Variants in STX7 observed in about 807,000 individuals in gnomAD.
The protein encoded by STX7 is syntaxin-7.
STX7 carries 34 observed loss-of-function variants against 39.6 expected under a neutral mutation model. That is an observed-to-expected ratio of 0.86 (90% CI 0.65 to 1.14). The LOEUF (loss-of-function observed/expected upper bound fraction) is 1.14, where lower values mean the gene tolerates loss of function less well. STX7 is among the 50% of genes most tolerant of loss of function. STX7 has a pLI of 0.00. For synonymous variants in STX7, 119 were observed against 99.1 expected, an observed-to-expected ratio of 1.20 and a Z score of -1.19; for missense variants, 284 against 310.4, an observed-to-expected ratio of 0.92 and a Z score of 0.64.
chr6:132,470,283 C>T lies in STX7; in HGVS notation c.441-236G>A, dbSNP rs567351880. Among the ~76,000 whole-genome samples the T allele has an allele frequency of 2.4e-4, 36 of 152,162 alleles. No homozygotes were observed. The South Asian group carries it at 5.6e-3, about 24-fold the overall frequency. On this transcript the variant is annotated intron_variant, in intron 6 of 9. Coordinates refer to ENST00000367941, the MANE Select transcript of STX7 (RefSeq NM_003569.3). The stretch of plus-strand genomic sequence containing the variant: ...AGAGTTATTACTTAATTATTGGAAG[C>T]TGTATCTGTCAACTGGGTATTTCTT...
Position 132,447,633 on chromosome 6 carries a change from T to G in STX7, c.*13125A>C, listed in dbSNP as rs1326046162. Reference sequence around the variant, plus strand: ...ACTGTTATACCTACTTCAGTTGAAATTTTTATTATTTTTGAGAGTCTCCTT... The same window carrying G: ...ACTGTTATACCTACTTCAGTTGAAAGTTTTATTATTTTTGAGAGTCTCCTT... On this transcript the variant is annotated 3_prime_UTR_variant, in exon 10 of 10. Transcript: ENST00000367941. The G allele has an allele frequency of 6.6e-6, 1 of 152,102 alleles. No homozygotes were observed. Among genetic ancestry groups the G allele is most frequent in the Non-Finnish European group, 1.5e-5 (1 of 67,998 alleles). 9.4% of individuals were successfully genotyped at this position (152,102 alleles called of 1,614,324 possible).
chr6:132,487,548 A>C (rs1222055515), intron 2 of STX7, among the ~76,000 whole-genome samples: 1 of 152,124 alleles, frequency 6.6e-6, no homozygotes, highest in East Asian at 1.9e-4. Context: ...AACCTAGATG[A>C]TGGGTTAGTA....
chr6:132,462,614 T>C (rs1374441851), intron 9 of STX7, among the ~76,000 whole-genome samples: 1 of 149,450 alleles, frequency 6.7e-6, no homozygotes, highest in Non-Finnish European at 1.5e-5. Flanking sequence ...TGTGTGTGTG[T>C]GTGTGTGTTT....
chr6:132,463,655 A>T (rs1774478223), intron 9 of STX7, among the ~76,000 whole-genome samples: 1 of 152,140 alleles, frequency 6.6e-6, no homozygotes, highest in Non-Finnish European at 1.5e-5. Context: ...AAGAAATGGG[A>T]AGGAGGGGCC....
chr6:132,478,843 T>C (rs779725612), intron 2 of STX7, among the ~76,000 whole-genome samples: 6 of 152,222 alleles, frequency 3.9e-5, no homozygotes, highest in Non-Finnish European at 5.9e-5. Flanking sequence ...ATCAATGGGA[T>C]GGGACATCAG....
chr6:132,469,929 A>C, intron 7 of STX7, 22 bp downstream of exon 7: 2 of 1,563,302 alleles, frequency 1.3e-6, no homozygotes, highest in Non-Finnish European at 1.7e-6. Flanking sequence ...GCAGCAGCCC[A>C]AGTCTACAAT....
rs1176320064 is a variant in STX7 at position 132,455,336 on chromosome 6, A to G, written c.*5422T>C. The G allele has an allele frequency of 2.6e-5, 4 of 152,222 alleles. No individual in the cohort carries two copies. Among genetic ancestry groups the G allele is most frequent in the African/African-American group, 7.2e-5 (3 of 41,446 alleles). 9.4% of individuals were successfully genotyped at this position (152,222 alleles called of 1,614,324 possible). On this transcript the variant is annotated 3_prime_UTR_variant, in exon 10 of 10. Transcript: ENST00000367941. ...AGAAAAATCTTAGTCGAGGCTAAAT[A>G]ACTGCATTTATAAGCTTTCTACCAA...
At chr6:132,509,498 ATAACATAACATAAC>A (rs1775793030) in intron 1 of STX7, among the ~76,000 whole-genome samples, 3 of 127,108 alleles carry the variant, frequency 2.4e-5, no homozygotes, top group African/African-American at 9.5e-5. Context: ...ATAACATAAC[ATAACATAACATAAC>A]ATAAAATAAA....
intron 8 of STX7, among the ~76,000 whole-genome samples, chr6:132,467,101 G>A (rs373394467): frequency 2.8e-4 from 43 of 152,202 alleles, no homozygotes; most frequent in Admixed American, 8.5e-4. Context: ...TGAGTCTTTC[G>A]AAACTGAAGC....
chr6:132,512,283 G>A (rs1775865959), intron 1 of STX7, among the ~76,000 whole-genome samples: 1 of 152,004 alleles, frequency 6.6e-6, no homozygotes, highest in Non-Finnish European at 1.5e-5. Context: ...CCAAACAAAT[G>A]TAAGAAATTT....
chr6:132,447,754 C>T lies in STX7; in HGVS notation c.*13004G>A, dbSNP rs551789218. ...TTTGCTTGTTTTATTTTCCCTAATT[C>T]TACTTTTTGTCTTTCTCTGTCCTTG... On this transcript the variant is annotated 3_prime_UTR_variant, in exon 10 of 10. Transcript: ENST00000367941. The T allele has an allele frequency of 3.3e-5, 5 of 152,062 alleles. No homozygotes were observed. Among genetic ancestry groups the T allele is most frequent in the South Asian group, 4.2e-4 (2 of 4,804 alleles). The allele number at this position is 152,062 out of a possible 1,614,324, so 9.4% of individuals were successfully genotyped here.
At chr6:132,503,391 CAAGTTCAGTT>C (rs1239462695) in intron 2 of STX7, 45 bp downstream of exon 2, 6 of 1,466,932 alleles carry the variant, frequency 4.1e-6, no homozygotes, top group Middle Eastern at 1.7e-4. Flanking sequence ...GAACCTCCAC[CAAGTTCAGTT>C]AAGAGTGGAT....
At chr6:132,503,383 A>G in intron 2 of STX7, 63 bp downstream of exon 2, 2 of 1,406,016 alleles carry the variant, frequency 1.4e-6, no homozygotes, top group Non-Finnish European at 2.0e-6. Context: ...CCTTTTATGA[A>G]CCTCCACCAA....
intron 1 of STX7, among the ~76,000 whole-genome samples, chr6:132,511,351 T>C (rs1261813159): frequency 6.6e-6 from 1 of 152,234 alleles, no homozygotes; most frequent in Non-Finnish European, 1.5e-5. Context: ...GACTGGCTCC[T>C]TCTCCCCAGC....
intron 9 of STX7, among the ~76,000 whole-genome samples, chr6:132,461,507 T>C (rs1774397981): frequency 6.6e-6 from 1 of 152,062 alleles, no homozygotes; most frequent in Non-Finnish European, 1.5e-5. Flanking sequence ...AGACGGAGTT[T>C]CACCATGTTG....
rs548011711 is a variant in STX7 at position 132,451,882 on chromosome 6, C to T, written c.*8876G>A. 3.3e-5 allele frequency: 5 copies of T among 152,244 alleles called. No homozygotes were observed. The highest frequency in any genetic ancestry group is 3.3e-4 in the Admixed American group (5 of 15,296). 9.4% of individuals were successfully genotyped at this position (152,244 alleles called of 1,614,324 possible). A position where few individuals can be genotyped will look rare whatever the true frequency, so the allele number is the denominator to read the frequency against. On this transcript the variant is annotated 3_prime_UTR_variant, in exon 10 of 10. Coordinates refer to ENST00000367941, the MANE Select transcript of STX7 (RefSeq NM_003569.3). ...GCGCTGACACCAATTCTATACAATCCGCTTTAGAAAACAGAAGAGAAAGGA... is the reference window on the plus strand; with the variant it reads ...GCGCTGACACCAATTCTATACAATCTGCTTTAGAAAACAGAAGAGAAAGGA...
chr6:132,495,586 G>A (rs544084494), intron 2 of STX7, among the ~76,000 whole-genome samples: 1 of 152,004 alleles, frequency 6.6e-6, no homozygotes, highest in African/African-American at 2.4e-5. Context: ...TATGGTTCCA[G>A]TAAATTCATT....
chr6:132,499,641 C>T (rs1157956700), intron 2 of STX7, among the ~76,000 whole-genome samples: 2 of 152,144 alleles, frequency 1.3e-5, no homozygotes, highest in African/African-American at 4.8e-5. Flanking sequence ...TTTTATCTTA[C>T]CTCACAGGTC....
chr6:132,510,323 TCTA>T (rs1486093398), intron 1 of STX7, among the ~76,000 whole-genome samples: 2 of 152,232 alleles, frequency 1.3e-5, no homozygotes, highest in Non-Finnish European at 1.5e-5. Context: ...ATTGTACACA[TCTA>T]CTGATGTATC....
Sources: gnomAD v4.1 joint callset for allele counts (sites outside exome capture counted in the v4.1 genomes callset) on GRCh38, gnomAD v4.1.1 for gene constraint, MANE v1.5 for transcripts, NCBI Gene and HGNC (gene_info 2026-07-23, HGNC 2026-07-21) for gene names.